The following PELI2 variants were observed in gnomAD, a reference collection of about 807,000 sequenced individuals.
The protein encoded by PELI2 is E3 ubiquitin-protein ligase pellino homolog 2.
In PELI2, 23 loss-of-function variants were observed where a neutral mutation model predicts 42.3. That is an observed-to-expected ratio of 0.54 (90% CI 0.39 to 0.77). The LOEUF (loss-of-function observed/expected upper bound fraction) is 0.77. PELI2 is among the 30% of genes least tolerant of loss of function. The probability of loss-of-function intolerance (pLI) is 0.00; values close to 1 mark genes in which losing one functional copy is unlikely to be tolerated. For missense variants in PELI2, 463 were observed against 553.2 expected (o/e 0.84, Z 1.64); for synonymous variants, 245 against 212.2 (o/e 1.15, Z -1.34).
Position 56,277,004 on chromosome 14 carries a change from A to G in PELI2, c.208-2672A>G, listed in dbSNP as rs573851151. ...ATAAATACCCTTTTTCATGTGCTAC[A>G]TAGTCTTATAGTTTGGGTCACAAGA... On this transcript the variant is annotated intron_variant, in intron 2 of 5. Coordinates refer to ENST00000267460, the MANE Select transcript of PELI2 (RefSeq NM_021255.3). Among the ~76,000 whole-genome samples, 13 of 152,306 alleles carry G rather than the reference A, an allele frequency of 8.5e-5. No homozygotes were observed. In the South Asian group the frequency reaches 1.0e-3, roughly 12 times the overall value.
rs751009571 is a variant in PELI2, at chr14:56,279,703, A to G, written c.235A>G (p.Ile79Val). 9 of 1,598,660 alleles carry G rather than the reference A, an allele frequency of 5.6e-6. No individual in the cohort carries two copies. The East Asian group carries it at 2.0e-4, about 36-fold the overall frequency. The change falls in exon 3 of 6, where the codon ATA becomes GTA. Residue 79 changes from isoleucine to valine, a missense_variant. Ile to Val is a conservative substitution (Grantham distance 29). This residue lies in a region of PELI2 where 343 missense variants were observed against 378.4 expected (regional missense o/e 0.91). Transcript: ENST00000267460. ...TATCAGCTGCAAAGGTCAACACAGT[A>G]TATCCTACACTTTGTCAAGGAATCA... ...KAISCKGQHS[I>V]SYTLSRNQTV...
At chr14:56,119,275 C>T (rs879863499) in intron 1 of PELI2, 1 of 152,126 alleles carries the variant, frequency 6.6e-6, no homozygotes, top group African/African-American at 2.4e-5. Context: ...CTGTGGGATC[C>T]CCGGCTGCGC....
chr14:56,147,592 TA>T, intron 1 of PELI2, among the ~76,000 whole-genome samples: 1 of 152,354 alleles, frequency 6.6e-6, no homozygotes, highest in South Asian at 2.1e-4. Flanking sequence ...ATGTTTATAT[TA>T]ATTCTTTTTA....
At chr14:56,159,630 G>A (rs1308025708) in intron 1 of PELI2, among the ~76,000 whole-genome samples, 2 of 150,924 alleles carry the variant, frequency 1.3e-5, no homozygotes, top group Non-Finnish European at 1.5e-5. Flanking sequence ...ATTACTGCAG[G>A]GCAATACTTA....
At chr14:56,118,918 C>T (rs993090190) in intron 1 of PELI2, among the ~76,000 whole-genome samples, 181 bp downstream of exon 1, 1 of 150,634 alleles carries the variant, frequency 6.6e-6, no homozygotes, top group African/African-American at 2.4e-5. Context: ...TCGGCGCGCG[C>T]TCGGGGTGCT....
At chr14:56,128,354 T>G (rs1883356726) in intron 1 of PELI2, among the ~76,000 whole-genome samples, 1 of 152,176 alleles carries the variant, frequency 6.6e-6, no homozygotes, top group African/African-American at 2.4e-5. Context: ...CAGGTTCCGT[T>G]AGGTGGTTTA....
At chr14:56,243,002 C>G (rs1053028635) in intron 2 of PELI2, among the ~76,000 whole-genome samples, 3 of 152,182 alleles carry the variant, frequency 2.0e-5, no homozygotes, top group Admixed American at 2.0e-4. Context: ...ACTATTGAAG[C>G]TGAATAAATG....
intron 1 of PELI2, among the ~76,000 whole-genome samples, chr14:56,144,569 T>C (rs1595553660): frequency 6.6e-6 from 1 of 152,344 alleles, no homozygotes; most frequent in East Asian, 1.9e-4. Flanking sequence ...AGTGTTCGAA[T>C]AACTAGGGAC....
intron 2 of PELI2, among the ~76,000 whole-genome samples, chr14:56,238,608 G>A (rs966141178): frequency 6.6e-6 from 1 of 152,098 alleles, no homozygotes; most frequent in African/African-American, 2.4e-5. Flanking sequence ...TTGATGGAAG[G>A]GTTCACTAGG....
intron 1 of PELI2, among the ~76,000 whole-genome samples, chr14:56,174,827 A>G (rs974628530): frequency 2.6e-5 from 4 of 152,134 alleles, no homozygotes; most frequent in African/African-American, 7.2e-5. Context: ...AGAATGGACT[A>G]ATACAACCAG....
At position 56,296,590 on chromosome 14, in the gene PELI2, CTTG is replaced by C. The variant is rs749949411; in HGVS notation, c.697-5_697-3del. 1.9e-5 allele frequency: 30 copies of C among 1,572,824 alleles called. No individual in the cohort carries two copies. In the African/African-American group the frequency reaches 2.2e-4, roughly 11 times the overall value. ...GCTTTTAAAAGGCATGTGTCTCAAACTTGTTGTAGGTGGAAAGTGAGACCAACG... is the reference window on the plus strand; with the variant it reads ...GCTTTTAAAAGGCATGTGTCTCAAACTTGTAGGTGGAAAGTGAGACCAACG... On this transcript the variant is annotated splice_region_variant and splice_polypyrimidine_tract_variant and intron_variant, in intron 5 of 5. Coordinates refer to ENST00000267460, the MANE Select transcript of PELI2 (RefSeq NM_021255.3).
intron 2 of PELI2, among the ~76,000 whole-genome samples, chr14:56,246,863 C>T (rs896043751): frequency 9.9e-5 from 15 of 152,126 alleles, no homozygotes; most frequent in Non-Finnish European, 1.8e-4. Flanking sequence ...ATCTTGGCCA[C>T]GTTTCCTTTT....
intron 2 of PELI2, among the ~76,000 whole-genome samples, chr14:56,222,367 G>A (rs1210742415): frequency 6.6e-6 from 1 of 152,168 alleles, no homozygotes; most frequent in East Asian, 1.9e-4. Context: ...TTTTCCTTAA[G>A]TCGCTATTAA....
chr14:56,164,965 TG>T (rs1343623167), intron 1 of PELI2, among the ~76,000 whole-genome samples: 1 of 125,280 alleles, frequency 8.0e-6, no homozygotes, highest in Non-Finnish European at 1.9e-5. Context: ...TCAATTTTGT[TG>T]GTTTTTTTTT....
chr14:56,196,177 A>C (rs1374504539), intron 2 of PELI2, among the ~76,000 whole-genome samples: 1 of 152,206 alleles, frequency 6.6e-6, no homozygotes, highest in African/African-American at 2.4e-5. Context: ...TACAGAGAAG[A>C]GATTCCCTAG....
At chr14:56,137,514 G>T (rs1883727573) in intron 1 of PELI2, among the ~76,000 whole-genome samples, 1 of 152,122 alleles carries the variant, frequency 6.6e-6, no homozygotes, top group African/African-American at 2.4e-5. Context: ...TTGCTGATTT[G>T]AATGTCTTAA....
chr14:56,123,177 CT>C lies in PELI2; in HGVS notation c.77+4454del, dbSNP rs371420319. ...TATAGTAGCTTGTAGAGTTTATGGT[CT>C]TTTTTTTTTTTTTAAAAGCAGGTCC... is the stretch of plus-strand genomic sequence containing the variant. On this transcript the variant is annotated intron_variant, in intron 1 of 5. Coordinates refer to ENST00000267460, the MANE Select transcript of PELI2 (RefSeq NM_021255.3). Among the ~76,000 whole-genome samples the C allele has an allele frequency of 4.5e-3, 640 of 141,852 alleles. 1 individual carries two copies. Among genetic ancestry groups the C allele is most frequent in the Middle Eastern group, 7.6e-3 (2 of 264 alleles). 93.1% of individuals were successfully genotyped at this position (141,852 alleles called of 152,430 possible). A position where few individuals can be genotyped will look rare whatever the true frequency, so the allele number is the denominator to read the frequency against.
intron 1 of PELI2, among the ~76,000 whole-genome samples, chr14:56,173,965 G>A (rs1198853858): frequency 2.6e-5 from 4 of 151,920 alleles, no homozygotes; most frequent in African/African-American, 4.8e-5. Flanking sequence ...ACAGTGGTAC[G>A]ATCTCGGCCC....
intron 1 of PELI2, among the ~76,000 whole-genome samples, chr14:56,175,195 C>T (rs1566620188): frequency 6.6e-6 from 1 of 152,056 alleles, no homozygotes; most frequent in Non-Finnish European, 1.5e-5. Context: ...GGGGTTTTGA[C>T]ACATTGCCCA....
Sources: gnomAD v4.1 joint callset for allele counts (sites outside exome capture counted in the v4.1 genomes callset) on GRCh38, gnomAD v4.1.1 for gene constraint, gnomAD v4.1.1 regional missense constraint, MANE v1.5 for transcripts, NCBI Gene and HGNC (gene_info 2026-07-23, HGNC 2026-07-21) for gene names.